The following RABGAP1L variants were observed in gnomAD, a reference collection of about 807,000 sequenced individuals.
RABGAP1L encodes the protein RAB GTPase activating protein 1 like.
Under a neutral mutation model 137.7 loss-of-function variants are expected in RABGAP1L, and 63 were observed. The observed-to-expected ratio is 0.46, with a 90% CI of 0.37 to 0.56. The LOEUF (loss-of-function observed/expected upper bound fraction) is 0.56, where lower values mean the gene tolerates loss of function less well. Among genes scored for constraint, RABGAP1L ranks in the 20% least tolerant of loss-of-function variants. The pLI is 0.00. For missense variants in RABGAP1L, 1,095 were observed against 1,244.0 expected (o/e 0.88, Z 1.80); for synonymous variants, 431 against 433.7 (o/e 0.99, Z 0.08).
intron 13 of RABGAP1L, among the ~76,000 whole-genome samples, chr1:174,477,747 G>A (rs958234694): frequency 6.6e-6 from 1 of 152,108 alleles, no homozygotes; most frequent in African/African-American, 2.4e-5. Flanking sequence ...ATTTATTTAA[G>A]AGGATATTGA....
intron 13 of RABGAP1L, among the ~76,000 whole-genome samples, chr1:174,612,832 G>C (rs1671396927): frequency 6.6e-6 from 1 of 152,170 alleles, no homozygotes; most frequent in East Asian, 1.9e-4. Context: ...AGATTTTCTA[G>C]TTTATTTGCG....
chr1:174,394,577 C>T (rs916386599), intron 13 of RABGAP1L, among the ~76,000 whole-genome samples: 1 of 151,960 alleles, frequency 6.6e-6, no homozygotes, highest in Admixed American at 6.6e-5. Flanking sequence ...TAGATACTTG[C>T]CCTTTTTCTG....
chr1:174,402,317 A>G (rs1237140339), intron 13 of RABGAP1L, among the ~76,000 whole-genome samples: 6 of 152,176 alleles, frequency 3.9e-5, no homozygotes, highest in Non-Finnish European at 8.8e-5. Flanking sequence ...GAAAAACTCT[A>G]TATTTTTCTG....
chr1:174,869,620 G>A lies in RABGAP1L; in HGVS notation c.2340+57660G>A, dbSNP rs531674592. 4.6e-4 allele frequency among the ~76,000 whole-genome samples: 70 copies of A among 152,120 alleles called. 1 individual carries two copies. Among genetic ancestry groups the A allele is most frequent in the Non-Finnish European group, 7.9e-4 (54 of 68,022 alleles). On this transcript the variant is annotated intron_variant, in intron 19 of 25. Transcript: ENST00000681986. Reference sequence around the variant, plus strand: ...GACTAATACAGATGAGAAAACCAAGGAGTGAGACAACTTATGTAATTTGCT... The same window carrying A: ...GACTAATACAGATGAGAAAACCAAGAAGTGAGACAACTTATGTAATTTGCT...
chr1:174,714,376 A>G (rs1311257251), intron 17 of RABGAP1L, among the ~76,000 whole-genome samples: 1 of 152,046 alleles, frequency 6.6e-6, no homozygotes, highest in Non-Finnish European at 1.5e-5. Flanking sequence ...TATTTCCCCC[A>G]CCAGATTATA....
At chr1:174,912,920 C>T (rs1660277738) in intron 19 of RABGAP1L, among the ~76,000 whole-genome samples, 1 of 151,734 alleles carries the variant, frequency 6.6e-6, no homozygotes, top group Non-Finnish European at 1.5e-5. Context: ...ACAGACAGTA[C>T]TCTTGGTTGT....
At chr1:174,615,966 C>T (rs1028939488) in intron 13 of RABGAP1L, among the ~76,000 whole-genome samples, 1 of 152,230 alleles carries the variant, frequency 6.6e-6, no homozygotes. Flanking sequence ...ACCCGATTTT[C>T]CAGGTGCCGT....
chr1:174,627,153 C>A (rs1672991028), intron 13 of RABGAP1L, among the ~76,000 whole-genome samples: 1 of 152,134 alleles, frequency 6.6e-6, no homozygotes, highest in Admixed American at 6.6e-5. Context: ...AAAAAAGATG[C>A]TGTCACAGTT....
intron 14 of RABGAP1L, among the ~76,000 whole-genome samples, chr1:174,651,234 TGAG>T (rs1392332292): frequency 1.0e-3 from 154 of 152,076 alleles, no homozygotes; most frequent in African/African-American, 3.4e-3. Context: ...TTACATTTGC[TGAG>T]GAGAGCTTTA....
intron 13 of RABGAP1L, among the ~76,000 whole-genome samples, chr1:174,613,418 G>C (rs1671464797): frequency 6.6e-6 from 1 of 152,136 alleles, no homozygotes; most frequent in Non-Finnish European, 1.5e-5. Context: ...TGTGGTCTGA[G>C]AGACAGTTTG....
At chr1:174,452,751 C>T (rs778154925) in intron 13 of RABGAP1L, among the ~76,000 whole-genome samples, 3 of 151,898 alleles carry the variant, frequency 2.0e-5, no homozygotes, top group Non-Finnish European at 2.9e-5. Flanking sequence ...TTAGTAGAGC[C>T]GGGGTTTCGC....
At chr1:174,657,757 T>C (rs1299107120) in intron 14 of RABGAP1L, among the ~76,000 whole-genome samples, 1 of 152,200 alleles carries the variant, frequency 6.6e-6, no homozygotes, top group Non-Finnish European at 1.5e-5. Context: ...AAATTCCCAG[T>C]AGTGGGATTG....
At chr1:174,507,845 CCAAA>C (rs71873009) in intron 13 of RABGAP1L, among the ~76,000 whole-genome samples, 53,256 of 151,540 alleles carry the variant, frequency 0.35, 11,927 homozygotes, top group African/African-American at 0.64. Context: ...TTTATATTCA[CCAAA>C]CAGAGTTATC....
intron 11 of RABGAP1L, among the ~76,000 whole-genome samples, chr1:174,318,171 A>G (rs531064278): frequency 3.8e-4 from 57 of 151,884 alleles, no homozygotes; most frequent in Non-Finnish European, 8.1e-4. Context: ...TAGTTGTTAA[A>G]TTGATGTTCT....
intron 13 of RABGAP1L, among the ~76,000 whole-genome samples, chr1:174,519,258 GTTTA>G (rs1410088771): frequency 5.3e-5 from 8 of 151,760 alleles, no homozygotes; most frequent in Non-Finnish European, 1.0e-4. Flanking sequence ...ATGTATATGA[GTTTA>G]TTAACTTACA....
intron 14 of RABGAP1L, among the ~76,000 whole-genome samples, chr1:174,652,327 C>G (rs1051654755): frequency 2.0e-5 from 3 of 151,884 alleles, no homozygotes; most frequent in African/African-American, 7.2e-5. Context: ...GAGCTCCATC[C>G]AGTTTTGTTC....
intron 13 of RABGAP1L, among the ~76,000 whole-genome samples, chr1:174,633,089 A>G (rs971187374): frequency 3.9e-5 from 6 of 152,022 alleles, no homozygotes; most frequent in African/African-American, 9.7e-5. Flanking sequence ...GAGGAAGTCA[A>G]ATTGTCCCTG....
intron 19 of RABGAP1L, among the ~76,000 whole-genome samples, chr1:174,844,003 T>C (rs1489368994): frequency 6.9e-6 from 1 of 145,600 alleles, no homozygotes; most frequent in Non-Finnish European, 1.5e-5. Flanking sequence ...TTTTCATGTG[T>C]TTTTTGGCTG....
At chr1:174,739,219 A>G (rs953291849) in intron 17 of RABGAP1L, among the ~76,000 whole-genome samples, 3 of 152,224 alleles carry the variant, frequency 2.0e-5, no homozygotes, top group African/African-American at 7.2e-5. Flanking sequence ...TAAATTTTAC[A>G]GTTAAATATG....
Sources: gnomAD v4.1 joint callset for allele counts (sites outside exome capture counted in the v4.1 genomes callset) on GRCh38, gnomAD v4.1.1 for gene constraint, MANE v1.5 for transcripts, NCBI Gene and HGNC (gene_info 2026-07-23, HGNC 2026-07-21) for gene names.